PTDSS2: variants seen among roughly 807,000 people sequenced by gnomAD.
The protein encoded by PTDSS2 is phosphatidylserine synthase 2.
In PTDSS2, 41 loss-of-function variants were observed where a neutral mutation model predicts 64.7. The ratio of observed to expected loss-of-function variants is 0.63; its 90% CI spans 0.49 to 0.82. PTDSS2 has a LOEUF of 0.82. Ranked by LOEUF, PTDSS2 falls within the 40% of genes least tolerant of loss-of-function variation. The probability of loss-of-function intolerance (pLI) is 0.00; values close to 1 mark genes in which losing one functional copy is unlikely to be tolerated. For missense variants in PTDSS2, 485 were observed against 650.0 expected, an observed-to-expected ratio of 0.75 and a Z score of 2.76; for synonymous variants, 297 against 277.8, an observed-to-expected ratio of 1.07 and a Z score of -0.69.
chr11:484,073 C>T (rs979739502), intron 4 of PTDSS2, among the ~76,000 whole-genome samples: 20 of 152,190 alleles, frequency 1.3e-4, no homozygotes, highest in Admixed American at 1.3e-3. Context: ...GATCCTGCTT[C>T]TCTACCATTA....
intron 2 of PTDSS2, among the ~76,000 whole-genome samples, chr11:473,575 A>C (rs1179747688): frequency 1.3e-5 from 2 of 152,222 alleles, no homozygotes; most frequent in Non-Finnish European, 2.9e-5. Context: ...TGTTGGGTGC[A>C]GGGTGGTGGA....
chr11:467,130 G>T (rs892078624), intron 2 of PTDSS2, among the ~76,000 whole-genome samples: 2 of 152,188 alleles, frequency 1.3e-5, no homozygotes, highest in Non-Finnish European at 2.9e-5. Flanking sequence ...GGCAGAGGTT[G>T]CAGTGAGCCG....
Position 487,000 on chromosome 11 carries a change from CAG to C in PTDSS2, c.505_506del (p.Asp169LeufsTer13). ...GACCCCAAGCTGGGAGTCCCACTGC[CAG>C]AGAGAGACTACGGGGGAAACTGCCT... is the stretch of plus-strand genomic sequence containing the variant. On this transcript the variant is annotated frameshift_variant, in exon 5 of 12. Transcript: ENST00000308020. LOFTEE classifies it high-confidence loss of function. The C allele has an allele frequency of 1.2e-6, 2 of 1,613,500 alleles. No homozygotes were observed. The highest frequency in any genetic ancestry group is 8.5e-7 in the Non-Finnish European group (1 of 1,179,924).
intron 3 of PTDSS2, among the ~76,000 whole-genome samples, chr11:475,267 T>TTGTGATATGGACATATTCACGCGTTTG (rs1554953071): frequency 1.2e-4 from 18 of 149,102 alleles, no homozygotes; most frequent in African/African-American, 2.8e-4. Context: ...ATTCACGCGT[T>TTGTGATATGGACATATTCACGCGTTTG]TGTGATACGG....
intron 4 of PTDSS2, among the ~76,000 whole-genome samples, chr11:484,916 G>A (rs1164182376): frequency 6.7e-6 from 1 of 148,152 alleles, no homozygotes; most frequent in Non-Finnish European, 1.5e-5. Context: ...TGCTCACTGC[G>A]CAGGCGAGTG....
intron 1 of PTDSS2, among the ~76,000 whole-genome samples, chr11:452,207 T>C (rs1373679548): frequency 6.6e-6 from 1 of 152,186 alleles, no homozygotes; most frequent in Non-Finnish European, 1.5e-5. Flanking sequence ...GCTCTTCTTG[T>C]TTCTCATTTG....
chr11:460,345 G>T lies in PTDSS2; in HGVS notation c.284+57G>T. The stretch of plus-strand genomic sequence containing the variant: ...CTGCCCTGTGCCCCGTGTGGTGGGT[G>T]TGGCACCCTTACTGCTCGGGCTGCC... On this transcript the variant is annotated intron_variant, in intron 2 of 11. Transcript: ENST00000308020. This position sits in a 1 kb window ranked among gnomAD's most constrained non-coding sequence, Gnocchi z 5.8. The T allele has an allele frequency of 6.9e-7, 1 of 1,456,554 alleles. No homozygotes were observed. The highest frequency in any genetic ancestry group is 9.6e-7 in the Non-Finnish European group (1 of 1,040,938). The allele number at this position is 1,456,554 out of a possible 1,614,324, so 90.2% of individuals were successfully genotyped here.
In PTDSS2 at chr11:479,288, C is replaced by G. The variant is rs993872351; in HGVS notation, c.435+136C>G. On this transcript the variant is annotated intron_variant, in intron 4 of 11. Transcript: ENST00000308020. This position sits in a 1 kb window ranked among gnomAD's most constrained non-coding sequence, Gnocchi z 4.2. ...AGGGCTAGACCCCCACAAAGTAGGC[C>G]GAGCTGCGGGGGGTCTCCAGGAGCA... is the stretch of plus-strand genomic sequence containing the variant. 32 of 801,814 alleles carry G rather than the reference C, an allele frequency of 4.0e-5. No homozygotes were observed. The highest frequency in any genetic ancestry group is 2.0e-4 in the Admixed American group (11 of 56,338). 49.7% of individuals were successfully genotyped at this position (801,814 alleles called of 1,614,324 possible). A position where few individuals can be genotyped will look rare whatever the true frequency, so the allele number is the denominator to read the frequency against.
chr11:473,139 C>A (rs912972397), intron 2 of PTDSS2, among the ~76,000 whole-genome samples: 2 of 152,274 alleles, frequency 1.3e-5, no homozygotes, highest in Non-Finnish European at 2.9e-5. Context: ...CCGAAACCCA[C>A]TGGGACTCTG....
Position 489,705 on chromosome 11 carries a change from C to G in PTDSS2, c.1087C>G (p.Arg363Gly), listed in dbSNP as rs775158819. 4 of 1,607,330 alleles carry G rather than the reference C, an allele frequency of 2.5e-6. No homozygotes were observed. The South Asian group carries it at 4.4e-5, about 18-fold the overall frequency. The change falls in exon 10 of 12, where the codon CGT (arginine) becomes GGT (glycine). Residue 363 changes from arginine (R) to glycine (G), a missense_variant. Coordinates refer to ENST00000308020, the MANE Select transcript of PTDSS2 (RefSeq NM_030783.3). ...FFVNVGGVAM[R>G]EIYDFMDDPK... ...CGTGAACGTGGGTGGCGTGGCCATGCGTGAGATCTACGACTTCATGGATGA... is the reference window on the plus strand; with the variant it reads ...CGTGAACGTGGGTGGCGTGGCCATGGGTGAGATCTACGACTTCATGGATGA...
chr11:477,077 C>T (rs1427002912), intron 3 of PTDSS2, among the ~76,000 whole-genome samples: 1 of 152,206 alleles, frequency 6.6e-6, no homozygotes, highest in Non-Finnish European at 1.5e-5. Context: ...CTCTGCCCAC[C>T]TTCACACTCC....
intron 3 of PTDSS2, 137 bp downstream of exon 3, chr11:474,114 C>T (rs1847607148): frequency 1.3e-6 from 1 of 758,296 alleles, no homozygotes; most frequent in Admixed American, 1.8e-5. Flanking sequence ...GAGGCCACTT[C>T]CCACATGGAC....
At chr11:452,544 A>C (rs1021432876) in intron 1 of PTDSS2, among the ~76,000 whole-genome samples, 3 of 152,180 alleles carry the variant, frequency 2.0e-5, no homozygotes, top group Non-Finnish European at 2.9e-5. Context: ...TCAGGAGGCC[A>C]AGGGGGTCAG....
rs1564975269 is a variant in PTDSS2, at chr11:471,771, CGGCCTGGGGTGACGCAGATGGT to C, written c.285-2109_285-2088del. Among the ~76,000 whole-genome samples, 6 of 129,856 alleles carry C rather than the reference CGGCCTGGGGTGACGCAGATGGT, an allele frequency of 4.6e-5. No homozygotes were observed. The East Asian group carries it at 9.2e-4, about 20-fold the overall frequency. 85.2% of individuals were successfully genotyped at this position (129,856 alleles called of 152,430 possible). ...TGGTGGCCTGGGGTGACGCGGATGG[CGGCCTGGGGTGACGCAGATGGT>C]GGCCTGGGGTGACGTGGATGGCGGC... On this transcript the variant is annotated intron_variant, in intron 2 of 11. Transcript: ENST00000308020.
rs557420576 is a variant in PTDSS2, at chr11:486,036, G to T, written c.436-903G>T. ...GCGCGTGCTCACCGTGTGCGCAGGC[G>T]AGTGTAAACAGTGCACGGGCGTGTG... On this transcript the variant is annotated intron_variant, in intron 4 of 11. Coordinates refer to ENST00000308020, the MANE Select transcript of PTDSS2 (RefSeq NM_030783.3). Among the ~76,000 whole-genome samples the T allele has an allele frequency of 2.6e-5, 4 of 151,830 alleles. No homozygotes were observed. The South Asian group carries it at 8.3e-4, about 32-fold the overall frequency.
At chr11:464,692 G>C (rs1302165987) in intron 2 of PTDSS2, among the ~76,000 whole-genome samples, 1 of 152,234 alleles carries the variant, frequency 6.6e-6, no homozygotes, top group African/African-American at 2.4e-5. Flanking sequence ...ACCGTTCACT[G>C]ATCTGCCTGT....
Position 479,383 on chromosome 11 carries a change from G to A in PTDSS2, c.435+231G>A, listed in dbSNP as rs114808954. 3.2e-5 allele frequency: 19 copies of A among 593,280 alleles called. No individual in the cohort carries two copies. In the African/African-American group the frequency reaches 3.6e-4, roughly 11 times the overall value. The allele number at this position is 593,280 out of a possible 1,614,324, so 36.8% of individuals were successfully genotyped here. On this transcript the variant is annotated intron_variant, in intron 4 of 11. Coordinates refer to ENST00000308020, the MANE Select transcript of PTDSS2 (RefSeq NM_030783.3). This position sits in a 1 kb window ranked among gnomAD's most constrained non-coding sequence, Gnocchi z 4.2. The stretch of plus-strand genomic sequence containing the variant: ...CAAAACGTAGGCCGAGCTGCGGGGG[G>A]CCTCCAGGAGCATCTGCTGGTGGGG...
intron 1 of PTDSS2, among the ~76,000 whole-genome samples, chr11:452,693 T>C (rs1010924596): frequency 1.8e-4 from 27 of 152,196 alleles, no homozygotes; most frequent in African/African-American, 6.5e-4. Flanking sequence ...GTTCTTGCTG[T>C]GCCTCCTCCC....
At chr11:454,493 C>T (rs1846492750) in intron 1 of PTDSS2, among the ~76,000 whole-genome samples, 2 of 152,184 alleles carry the variant, frequency 1.3e-5, no homozygotes, top group Non-Finnish European at 2.9e-5. Context: ...ACTTTAGAAA[C>T]CACAGGAAGG....
Sources: allele counts gnomAD v4.1 joint callset (sites outside exome capture counted in the v4.1 genomes callset), GRCh38; gene constraint gnomAD v4.1.1; non-coding constraint Gnocchi (gnomAD v3.1); transcripts MANE v1.5; gene names NCBI Gene and HGNC (gene_info 2026-07-23, HGNC 2026-07-21).